The following SIRPB2 variants were observed in gnomAD, a reference collection of about 807,000 sequenced individuals.
The protein encoded by SIRPB2 is signal-regulatory protein beta-2.
In SIRPB2, 18 loss-of-function variants were observed where a neutral mutation model predicts 27.1. The ratio of observed to expected loss-of-function variants is 0.66; its 90% CI spans 0.46 to 0.98. SIRPB2 has a LOEUF of 0.98. Ranked by LOEUF, SIRPB2 falls within the 50% of genes least tolerant of loss-of-function variation. The pLI is 0.00. For synonymous variants in SIRPB2, 150 were observed against 164.6 expected (o/e 0.91, Z 0.68); for missense variants, 420 against 417.4 (o/e 1.01, Z -0.06).
chr20:1,478,080 A>G (rs752936458), intron 3 of SIRPB2, 186 bp downstream of exon 3: 5 of 708,764 alleles, frequency 7.1e-6, no homozygotes, highest in Non-Finnish European at 1.3e-5. Flanking sequence ...AGGAAGGGCC[A>G]TTTGTGCTGG....
downstream of SIRPB2, chr20:1,471,048 A>T (rs1282696894): frequency 6.6e-6 from 1 of 152,184 alleles, no homozygotes; most frequent in African/African-American, 2.4e-5. Flanking sequence ...TTCTTCAATA[A>T]ACTCTGCTAC....
In SIRPB2 at chr20:1,478,503, C is replaced by T. The variant is rs767464699; in HGVS notation, c.556G>A (p.Gly186Ser). 7.4e-6 allele frequency: 12 copies of T among 1,614,038 alleles called. No individual in the cohort carries two copies. Among genetic ancestry groups the T allele is most frequent in the African/African-American group, 4.0e-5 (3 of 75,032 alleles). Residue 186 changes from glycine to serine, a missense_variant, in exon 3 of 5, where the codon GGT (glycine) becomes AGT (serine). Transcript: ENST00000359801. ...VFLNCTVLGD[G>S]PPGPIRWFQG... Reference sequence around the variant, plus strand: ...AACCACCTGATGGGTCCAGGGGGACCGTCTCCAAGCACTGTGCAGTTCAGA... The same window carrying T: ...AACCACCTGATGGGTCCAGGGGGACTGTCTCCAAGCACTGTGCAGTTCAGA...
intron 1 of SIRPB2, among the ~76,000 whole-genome samples, chr20:1,487,126 G>A (rs908083334): frequency 1.3e-5 from 2 of 152,098 alleles, no homozygotes; most frequent in Non-Finnish European, 2.9e-5. Context: ...CAAGGTGGAC[G>A]ATAAAAGATC....
At chr20:1,482,201 T>C (rs2090678241) in intron 1 of SIRPB2, among the ~76,000 whole-genome samples, 1 of 152,238 alleles carries the variant, frequency 6.6e-6, no homozygotes, top group East Asian at 1.9e-4. Flanking sequence ...TTTTCTGGTA[T>C]CCATCACCTG....
intron 1 of SIRPB2, among the ~76,000 whole-genome samples, chr20:1,485,766 G>T (rs760430063): frequency 7.3e-5 from 11 of 151,678 alleles, no homozygotes; most frequent in Non-Finnish European, 1.6e-4. Context: ...CACACAGAAA[G>T]AACCTAAATT....
At chr20:1,480,174 T>A (rs1239595775) in intron 1 of SIRPB2, 109 bp from the exon 2 acceptor site, 1 of 1,389,716 alleles carries the variant, frequency 7.2e-7, no homozygotes, top group Non-Finnish European at 9.5e-7. Flanking sequence ...TGGCCCAGGA[T>A]AAGACAGGAG....
At chr20:1,474,415 C>T (rs1348320028), downstream of SIRPB2, among the ~76,000 whole-genome samples, 1 of 152,100 alleles carries the variant, frequency 6.6e-6, no homozygotes, top group Admixed American at 6.6e-5. Context: ...AGCTGTTTTT[C>T]TGTTTGTGGT....
intron 1 of SIRPB2, among the ~76,000 whole-genome samples, chr20:1,488,541 G>T (rs141466337): frequency 0.015 from 2,255 of 152,142 alleles, 18 homozygotes; most frequent in Middle Eastern, 0.034. Context: ...ACAGTTATTT[G>T]GTAGGCTAAG....
chr20:1,478,525 CAGAA>C lies in SIRPB2; in HGVS notation c.530_533del (p.Phe177Ter). The C allele has an allele frequency of 6.2e-7, 1 of 1,613,804 alleles. No homozygotes were observed. The highest frequency in any genetic ancestry group is 8.5e-7 in the Non-Finnish European group (1 of 1,179,840). On this transcript the variant is annotated frameshift_variant, in exon 3 of 5. Coordinates refer to ENST00000359801, the MANE Select transcript of SIRPB2 (RefSeq NM_001122962.2). LOFTEE classifies it high-confidence loss of function. Reference sequence around the variant, plus strand: ...GACCGTCTCCAAGCACTGTGCAGTTCAGAAAGACAGTGTCTCCAGTGGTCCCCAA... The same window carrying C: ...GACCGTCTCCAAGCACTGTGCAGTTCAGACAGTGTCTCCAGTGGTCCCCAA...
Position 1,475,767 on chromosome 20 carries a change from ATGG to A in SIRPB2, c.*397_*399del. ...GAAAGGTGTAGATGGAGGGGCACAG[ATGG>A]TCTGGCTGGTTGAGTTCAGAGATTC... On this transcript the variant is annotated 3_prime_UTR_variant, in exon 5 of 5. Transcript: ENST00000359801. 1 of 134,552 alleles carries A rather than the reference ATGG, an allele frequency of 7.4e-6. No homozygotes were observed. The highest frequency in any genetic ancestry group is 2.3e-4 in the South Asian group (1 of 4,374). The allele number at this position is 134,552 out of a possible 1,614,324, so 8.3% of individuals were successfully genotyped here. A position where few individuals can be genotyped will look rare whatever the true frequency, so the allele number is the denominator to read the frequency against.
In SIRPB2 at chr20:1,476,802, T is replaced by C. The variant is rs1404853365; in HGVS notation, c.860-466A>G. 3 of 1,052,372 alleles carry C rather than the reference T, an allele frequency of 2.9e-6. No individual in the cohort carries two copies. The South Asian group carries it at 9.4e-5, about 33-fold the overall frequency. 65.2% of individuals were successfully genotyped at this position (1,052,372 alleles called of 1,614,324 possible). A position where few individuals can be genotyped will look rare whatever the true frequency, so the allele number is the denominator to read the frequency against. ...ACATCTATCACAAGCTCCCACCAGATACTGAGAGTCCTTGAATGTTAACAT... is the reference window on the plus strand; with the variant it reads ...ACATCTATCACAAGCTCCCACCAGACACTGAGAGTCCTTGAATGTTAACAT... On this transcript the variant is annotated intron_variant, in intron 4 of 4. Transcript: ENST00000359801.
chr20:1,488,228 C>T (rs1373367852), intron 1 of SIRPB2, among the ~76,000 whole-genome samples: 2 of 152,122 alleles, frequency 1.3e-5, no homozygotes, highest in Non-Finnish European at 2.9e-5. Flanking sequence ...ATATAACGAA[C>T]TCTCAAAACT....
At chr20:1,476,410 T>C (rs1457324706) in intron 4 of SIRPB2, 74 bp from the exon 5 acceptor site, 1 of 1,445,348 alleles carries the variant, frequency 6.9e-7, no homozygotes, top group African/African-American at 1.4e-5. Context: ...TTGCTGCCCA[T>C]GGGCAAGGTC....
chr20:1,480,257 C>A lies in SIRPB2; in HGVS notation c.86-192G>T, dbSNP rs1461641227. 9.0e-6 allele frequency: 6 copies of A among 664,972 alleles called. No homozygotes were observed. The African/African-American group carries it at 1.1e-4, about 12-fold the overall frequency. The allele number at this position is 664,972 out of a possible 1,614,324, so 41.2% of individuals were successfully genotyped here. On this transcript the variant is annotated intron_variant, in intron 1 of 4. Coordinates refer to ENST00000359801, the MANE Select transcript of SIRPB2 (RefSeq NM_001122962.2). ...GAGAGAGAACTGAGCTATGCAATGG[C>A]AAACCTACAAACAATAAATAACACT...
At position 1,475,759 on chromosome 20, in the gene SIRPB2, GGGC is replaced by G; in HGVS notation, c.*405_*407del. 9 of 164,498 alleles carry G rather than the reference GGGC, an allele frequency of 5.5e-5. No homozygotes were observed. Among genetic ancestry groups the G allele is most frequent in the South Asian group, 1.5e-4 (1 of 6,636 alleles). The allele number at this position is 164,498 out of a possible 1,614,324, so 10.2% of individuals were successfully genotyped here. A position where few individuals can be genotyped will look rare whatever the true frequency, so the allele number is the denominator to read the frequency against. The stretch of plus-strand genomic sequence containing the variant: ...AGTGGGGAGAAAGGTGTAGATGGAG[GGGC>G]ACAGATGGTCTGGCTGGTTGAGTTC... On this transcript the variant is annotated 3_prime_UTR_variant, in exon 5 of 5. Coordinates refer to ENST00000359801, the MANE Select transcript of SIRPB2 (RefSeq NM_001122962.2).
chr20:1,479,721 CTTCATCCGAT>C lies in SIRPB2; in HGVS notation c.420_429del (p.Ser141AlafsTer6), dbSNP rs758208722. 1 of 1,614,172 alleles carries C rather than the reference CTTCATCCGAT, an allele frequency of 6.2e-7. No homozygotes were observed. Among genetic ancestry groups the C allele is most frequent in the Non-Finnish European group, 8.5e-7 (1 of 1,179,994 alleles). On this transcript the variant is annotated frameshift_variant, in exon 2 of 5. Transcript: ENST00000359801. LOFTEE classifies it high-confidence loss of function. ...TTACCCTTCACAAGCACTGAGGTGC[CTTCATCCGAT>C]TTCATTTCTGAGTGTTCACTCAAAC...
chr20:1,471,843 G>C (rs891768905), downstream of SIRPB2, among the ~76,000 whole-genome samples: 1 of 152,128 alleles, frequency 6.6e-6, no homozygotes, highest in East Asian at 1.9e-4. Context: ...GAGGGTCCTC[G>C]AGCCCGAGGA....
downstream of SIRPB2, among the ~76,000 whole-genome samples, chr20:1,474,093 A>T (rs1011845522): frequency 1.4e-4 from 21 of 152,100 alleles, no homozygotes; most frequent in African/African-American, 5.1e-4. Flanking sequence ...TACATCGAAG[A>T]TCCATCCGTG....
intron 1 of SIRPB2, among the ~76,000 whole-genome samples, chr20:1,483,608 T>C (rs1359175046): frequency 6.6e-6 from 1 of 151,988 alleles, no homozygotes; most frequent in Admixed American, 6.6e-5. Flanking sequence ...TTTGTTTGTT[T>C]GCTTTTTTAA....
Sources: allele counts gnomAD v4.1 joint callset (sites outside exome capture counted in the v4.1 genomes callset), GRCh38; gene constraint gnomAD v4.1.1; transcripts MANE v1.5; gene names NCBI Gene and HGNC (gene_info 2026-07-23, HGNC 2026-07-21).